Variants in GALNT14 observed in about 807,000 individuals in gnomAD.
GALNT14 encodes UDP-GalNAc:polypeptide N-acetylgalactosaminyltransferase 14.
GALNT14 carries 60 observed loss-of-function variants against 77.5 expected under a neutral mutation model. The observed-to-expected ratio is 0.77, with a 90% CI of 0.63 to 0.96. The LOEUF (loss-of-function observed/expected upper bound fraction) is 0.96, where lower values mean the gene tolerates loss of function less well. Ranked by LOEUF, GALNT14 falls within the 40% of genes least tolerant of loss-of-function variation. The pLI, the probability that GALNT14 is intolerant of heterozygous loss-of-function variation, is 0.00. For missense variants in GALNT14, 710 were observed against 731.0 expected (o/e 0.97, Z 0.33); for synonymous variants, 280 against 281.7 (o/e 0.99, Z 0.06).
At chr2:31,068,009 A>G (rs551720839) in intron 1 of GALNT14, among the ~76,000 whole-genome samples, 3 of 152,202 alleles carry the variant, frequency 2.0e-5, no homozygotes, top group Admixed American at 6.5e-5. Flanking sequence ...ACCTGAAACA[A>G]AGCTCAGGAG....
intron 1 of GALNT14, among the ~76,000 whole-genome samples, chr2:31,066,257 C>T (rs1022519372): frequency 3.3e-5 from 5 of 152,160 alleles, no homozygotes; most frequent in Admixed American, 6.5e-5. Context: ...CAGGGCATTA[C>T]CATTAAGGGA....
chr2:30,929,187 C>T (rs989948224), intron 11 of GALNT14, among the ~76,000 whole-genome samples: 9 of 152,216 alleles, frequency 5.9e-5, no homozygotes, highest in African/African-American at 2.2e-4. Flanking sequence ...TCCAGGTTGC[C>T]AGGCAGTCAT....
At chr2:30,997,367 T>C (rs1670100582) in intron 1 of GALNT14, among the ~76,000 whole-genome samples, 1 of 152,214 alleles carries the variant, frequency 6.6e-6, no homozygotes, top group Non-Finnish European at 1.5e-5. Context: ...ATGGGGCCTT[T>C]GCAGTACATT....
At chr2:30,980,847 C>A (rs1415053812) in intron 2 of GALNT14, among the ~76,000 whole-genome samples, 1 of 152,194 alleles carries the variant, frequency 6.6e-6, no homozygotes, top group Non-Finnish European at 1.5e-5. Flanking sequence ...TTTGGGAGGC[C>A]AAGGCAGGTG....
rs1441101906 is a variant in GALNT14 at position 31,113,945 on chromosome 2, T to C, written c.129+24013A>G. Reference sequence around the variant, plus strand: ...ACTAAGATAGGGAAGCTAAAAGCAGTGGGGATATGCCTGCAGCTGCAGAAC... The same window carrying C: ...ACTAAGATAGGGAAGCTAAAAGCAGCGGGGATATGCCTGCAGCTGCAGAAC... On this transcript the variant is annotated intron_variant, in intron 1 of 14. Coordinates refer to ENST00000349752, the MANE Select transcript of GALNT14 (RefSeq NM_024572.4). Among the ~76,000 whole-genome samples, 6 of 151,412 alleles carry C rather than the reference T, an allele frequency of 4.0e-5. No homozygotes were observed. In the East Asian group the frequency reaches 7.8e-4, roughly 20 times the overall value.
chr2:31,034,472 T>C (rs550053544), intron 1 of GALNT14, among the ~76,000 whole-genome samples: 60 of 152,186 alleles, frequency 3.9e-4, no homozygotes, highest in Admixed American at 5.9e-4. Flanking sequence ...CCTCACTCAC[T>C]GTCCTTTGCA....
chr2:31,107,343 A>G (rs530056751), intron 1 of GALNT14, among the ~76,000 whole-genome samples: 1 of 152,228 alleles, frequency 6.6e-6, no homozygotes, highest in East Asian at 1.9e-4. Flanking sequence ...ACTCTTTGCC[A>G]CCTGCTATTC....
chr2:30,970,783 C>G (rs1308366012), intron 2 of GALNT14, among the ~76,000 whole-genome samples: 2 of 152,118 alleles, frequency 1.3e-5, no homozygotes, highest in Non-Finnish European at 2.9e-5. Context: ...TGCCATCCCC[C>G]ACCTCACAGG....
intron 1 of GALNT14, among the ~76,000 whole-genome samples, chr2:31,001,637 A>G (rs948184192): frequency 2.6e-5 from 4 of 152,142 alleles, no homozygotes; most frequent in African/African-American, 4.8e-5. Context: ...ATACAAAATT[A>G]CCAGACACAC....
intron 1 of GALNT14, among the ~76,000 whole-genome samples, chr2:31,018,569 C>T (rs768463980): frequency 7.2e-5 from 11 of 152,112 alleles, no homozygotes; most frequent in Non-Finnish European, 1.0e-4. Context: ...TCCCTTGACA[C>T]GTGGGGATTA....
chr2:30,912,395 C>T (rs1475465813), intron 13 of GALNT14, 53 bp from the exon 14 acceptor site: 38 of 1,602,266 alleles, frequency 2.4e-5, no homozygotes, highest in Non-Finnish European at 3.0e-5. Flanking sequence ...AGCCACCACT[C>T]GTGGGATACA....
At chr2:30,928,403 G>A (rs1352207135) in intron 11 of GALNT14, among the ~76,000 whole-genome samples, 1 of 152,106 alleles carries the variant, frequency 6.6e-6, no homozygotes, top group Non-Finnish European at 1.5e-5. Flanking sequence ...GGGAATACAA[G>A]GTCATTCCAA....
At chr2:30,895,316 G>A in the GALNT14 span, among the ~76,000 whole-genome samples, 1 of 147,540 alleles carries the variant, frequency 6.8e-6, no homozygotes, top group East Asian at 2.1e-4. Flanking sequence ...AATGGAGTAA[G>A]TGTTAAGATG....
intron 9 of GALNT14, among the ~76,000 whole-genome samples, chr2:30,938,691 T>C (rs1476836938): frequency 1.3e-5 from 2 of 152,232 alleles, no homozygotes; most frequent in Non-Finnish European, 2.9e-5. Context: ...GGCTTTCACA[T>C]GGCCATGGCA....
chr2:31,136,980 G>GC (rs1247034595), intron 1 of GALNT14, among the ~76,000 whole-genome samples: 5 of 152,030 alleles, frequency 3.3e-5, no homozygotes, highest in African/African-American at 1.2e-4. Context: ...CAAGGCTTTT[G>GC]CCCAGACCCC....
chr2:30,998,279 C>T (rs778083077), intron 1 of GALNT14, among the ~76,000 whole-genome samples: 10 of 152,022 alleles, frequency 6.6e-5, no homozygotes, highest in Non-Finnish European at 1.2e-4. Flanking sequence ...CTTGAATCTC[C>T]TTTTCTCCTT....
chr2:30,932,035 C>T, intron 10 of GALNT14, 33 bp downstream of exon 10: 1 of 1,465,688 alleles, frequency 6.8e-7, no homozygotes, highest in South Asian at 1.5e-5. Flanking sequence ...GCCTGTGCTG[C>T]TGCCCACCCG....
chr2:30,904,058 G>A, the GALNT14 span, among the ~76,000 whole-genome samples: 2 of 152,214 alleles, frequency 1.3e-5, no homozygotes, highest in African/African-American at 4.8e-5. Context: ...TAAGCAAGGA[G>A]TGGTGTCAGA....
intron 14 of GALNT14, among the ~76,000 whole-genome samples, chr2:30,911,397 GCAGA>G (rs1279381483): frequency 2.0e-5 from 3 of 152,186 alleles, no homozygotes; most frequent in Non-Finnish European, 2.9e-5. Context: ...CTGCACGATG[GCAGA>G]GAAGTGGGGA....
Sources: allele counts gnomAD v4.1 joint callset (sites outside exome capture counted in the v4.1 genomes callset), GRCh38; gene constraint gnomAD v4.1.1; transcripts MANE v1.5; gene names NCBI Gene and HGNC (gene_info 2026-07-23, HGNC 2026-07-21).